The following NAV1 variants were observed in gnomAD, a reference collection of about 807,000 sequenced individuals.
NAV1 encodes pore membrane and/or filament interacting like protein 3.
NAV1 carries 18 observed loss-of-function variants against 175.2 expected under a neutral mutation model. The observed-to-expected ratio is 0.10, with a 90% CI of 0.07 to 0.15. The LOEUF is 0.15. Ranked by LOEUF, NAV1 falls within the 10% of genes least tolerant of loss-of-function variation. The pLI is 1.00. For missense variants in NAV1, 1,731 were observed against 2,436.6 expected (o/e 0.71, Z 6.10); for synonymous variants, 897 against 978.7 (o/e 0.92, Z 1.56).
chr1:201,665,070 G>A (rs1669759500), intron 1 of NAV1, among the ~76,000 whole-genome samples: 1 of 152,124 alleles, frequency 6.6e-6, no homozygotes, highest in African/African-American at 2.4e-5. Flanking sequence ...CGGTTTGCAC[G>A]CTGTCTGCCT....
chr1:201,615,863 G>A (rs1168656363), intron 2 of NAV1, among the ~76,000 whole-genome samples: 1 of 152,176 alleles, frequency 6.6e-6, no homozygotes, highest in African/African-American at 2.4e-5. Context: ...CATGGACAAT[G>A]TTGTTCCTGT....
intron 2 of NAV1, among the ~76,000 whole-genome samples, chr1:201,637,542 G>A (rs1204705263): frequency 1.3e-5 from 2 of 152,098 alleles, no homozygotes; most frequent in African/African-American, 2.4e-5. Context: ...GGTTTGTGTG[G>A]CCCACAGTGA....
intron 2 of NAV1, among the ~76,000 whole-genome samples, chr1:201,606,533 C>T (rs1461881102): frequency 3.3e-5 from 5 of 152,302 alleles, no homozygotes; most frequent in African/African-American, 7.2e-5. Flanking sequence ...AGCATCTTTG[C>T]GTCTCCAAAC....
intron 1 of NAV1, among the ~76,000 whole-genome samples, chr1:201,581,519 T>C (rs550056206): frequency 6.6e-6 from 1 of 152,150 alleles, no homozygotes; most frequent in South Asian, 2.1e-4. Flanking sequence ...AGTCATTACA[T>C]AGAATCAGTA....
At position 201,710,293 on chromosome 1, in the gene NAV1, G is replaced by GT. The variant is rs955115358; in HGVS notation, c.758-2513dup. ...GAAATGTTCACTAAGCATCTTCTTT[G>GT]TTTTTTTTTTTGAAACAGGGTCTCA... On this transcript the variant is annotated intron_variant, in intron 1 of 29. Coordinates refer to ENST00000367296, the Ensembl canonical transcript of NAV1. 6.3e-3 allele frequency among the ~76,000 whole-genome samples: 880 copies of GT among 140,274 alleles called. 9 individuals are homozygous for GT. The highest frequency in any genetic ancestry group is 0.014 in the Middle Eastern group (4 of 276). The allele number at this position is 140,274 out of a possible 152,430, so 92.0% of individuals were successfully genotyped here. A position where few individuals can be genotyped will look rare whatever the true frequency, so the allele number is the denominator to read the frequency against.
chr1:201,683,320 C>A (rs192235297), intron 1 of NAV1, among the ~76,000 whole-genome samples: 5 of 152,096 alleles, frequency 3.3e-5, no homozygotes, highest in Non-Finnish European at 7.4e-5. Flanking sequence ...GGGTCTATAC[C>A]GGCGATCCCC....
chr1:201,624,412 C>T (rs994433369), intron 1 of NAV1, among the ~76,000 whole-genome samples: 1 of 138,396 alleles, frequency 7.2e-6, no homozygotes, highest in Non-Finnish European at 1.5e-5. Context: ...GGTGCGATCT[C>T]GGCTCACTGC....
intron 2 of NAV1, among the ~76,000 whole-genome samples, chr1:201,591,034 C>T (rs574200467): frequency 5.1e-4 from 77 of 152,292 alleles, no homozygotes; most frequent in African/African-American, 1.8e-3. Flanking sequence ...CTCTCTCCAA[C>T]ACATGCAGTC....
chr1:201,630,933 G>A (rs914623933), intron 2 of NAV1, among the ~76,000 whole-genome samples: 4 of 152,196 alleles, frequency 2.6e-5, no homozygotes, highest in Admixed American at 6.5e-5. Flanking sequence ...ATTATTATCC[G>A]ATGAGTTGAT....
At chr1:201,738,608 TA>T (rs1353562119) in intron 3 of NAV1, among the ~76,000 whole-genome samples, 3 of 151,964 alleles carry the variant, frequency 2.0e-5, no homozygotes, top group Non-Finnish European at 4.4e-5. Flanking sequence ...CAGACCTCTT[TA>T]AAGGCAGTGA....
At chr1:201,764,509 C>T (rs1428094330) in intron 3 of NAV1, among the ~76,000 whole-genome samples, 4 of 152,224 alleles carry the variant, frequency 2.6e-5, no homozygotes, top group African/African-American at 7.2e-5. Flanking sequence ...GAGCTCCACT[C>T]TTATAAGATC....
chr1:201,701,803 A>G (rs747252387), intron 1 of NAV1, among the ~76,000 whole-genome samples: 3 of 152,348 alleles, frequency 2.0e-5, no homozygotes, highest in Non-Finnish European at 2.9e-5. Context: ...TGGAGCAGCC[A>G]CTTTGGAAAA....
At chr1:201,734,449 A>AGAG (rs144699398) in intron 3 of NAV1, among the ~76,000 whole-genome samples, 3 of 139,034 alleles carry the variant, frequency 2.2e-5, no homozygotes, top group Admixed American at 1.5e-4. Flanking sequence ...AAGAAGAAGA[A>AGAG]GAGGAGGAGG....
In NAV1 at chr1:201,699,989, T is replaced by C. The variant is rs574204960; in HGVS notation, c.758-12828T>C. On this transcript the variant is annotated intron_variant, in intron 1 of 29. Coordinates refer to ENST00000367296, the Ensembl canonical transcript of NAV1. ...GTTAGACCTAAAACCATAAAAACCC[T>C]AGAAGAAAACCTAGGCAATACCATT... Among the ~76,000 whole-genome samples, 1,283 of 152,316 alleles carry C rather than the reference T, an allele frequency of 8.4e-3. 39 individuals are homozygous for C. The East Asian group carries it at 0.091, about 11-fold the overall frequency.
intron 1 of NAV1, among the ~76,000 whole-genome samples, chr1:201,659,861 T>G (rs867398462): frequency 2.6e-5 from 4 of 152,176 alleles, no homozygotes; most frequent in Non-Finnish European, 4.4e-5. Context: ...AACCTTCATC[T>G]CTCTCTGTTC....
chr1:201,710,688 C>T (rs1482493985), intron 1 of NAV1, among the ~76,000 whole-genome samples: 1 of 152,252 alleles, frequency 6.6e-6, no homozygotes, highest in Non-Finnish European at 1.5e-5. Context: ...GGGCTCAACT[C>T]TGCCTTGTGC....
In NAV1 at chr1:201,813,246, G is replaced by A. The variant is rs757772086; in HGVS notation, c.5328G>A (p.Lys1776=). 13 of 1,612,138 alleles carry A rather than the reference G, an allele frequency of 8.1e-6. No individual in the cohort carries two copies. In the South Asian group the frequency reaches 1.4e-4, roughly 18 times the overall value. ...TTCCCTATCTACAGGAAGGAGCCAA[G>A]GATGGGATAAAGGTGAGCCCTACCC... The change falls in exon 28 of 30, where the codon AAG becomes AAA. Residue 1776 remains lysine (K), a synonymous_variant. Transcript: ENST00000367296. This position sits in a 1 kb window ranked among gnomAD's most constrained non-coding sequence, Gnocchi z 4.2.
At chr1:201,748,692 C>T (rs1673920004) in intron 3 of NAV1, among the ~76,000 whole-genome samples, 1 of 152,114 alleles carries the variant, frequency 6.6e-6, no homozygotes, top group Non-Finnish European at 1.5e-5. Flanking sequence ...CCAGAGAGTC[C>T]ACAAGACCTT....
chr1:201,812,051 T>A lies in NAV1; in HGVS notation c.5024+77T>A. 7.4e-7 allele frequency: 1 copy of A among 1,347,870 alleles called. No individual in the cohort carries two copies. Among genetic ancestry groups the A allele is most frequent in the Non-Finnish European group, 1.1e-6 (1 of 939,644 alleles). The allele number at this position is 1,347,870 out of a possible 1,614,324, so 83.5% of individuals were successfully genotyped here. On this transcript the variant is annotated intron_variant, in intron 26 of 29. Transcript: ENST00000367296. This position sits in a 1 kb window ranked among gnomAD's most constrained non-coding sequence, Gnocchi z 4.6. ...ATCCTGGACTCTGGCCAGGAGGCAG[T>A]AGATAGGAGAAGGAAAGAGAAGTAT...
Sources: gnomAD v4.1 joint callset for allele counts (sites outside exome capture counted in the v4.1 genomes callset) on GRCh38, gnomAD v4.1.1 for gene constraint, Gnocchi (gnomAD v3.1) non-coding constraint, MANE v1.5 for transcripts, NCBI Gene and HGNC (gene_info 2026-07-23, HGNC 2026-07-21) for gene names.